RALYL: variants seen among roughly 807,000 people sequenced by gnomAD.
RALYL encodes the protein RNA-binding Raly-like protein.
A neutral mutation model predicts 35.1 loss-of-function variants in RALYL; 29 were observed. That is an observed-to-expected ratio of 0.83 (90% CI 0.61 to 1.13). The LOEUF (loss-of-function observed/expected upper bound fraction) is 1.13. RALYL is among the 50% of genes most tolerant of loss of function. RALYL has a pLI of 0.00. For synonymous variants in RALYL, 120 were observed against 127.6 expected, an observed-to-expected ratio of 0.94 and a Z score of 0.40; for missense variants, 359 against 360.4, an observed-to-expected ratio of 1.00 and a Z score of 0.03.
chr8:84,242,877 A>G (rs112715899), intron 1 of RALYL, among the ~76,000 whole-genome samples: 6,088 of 152,128 alleles, frequency 0.04, 179 homozygotes, highest in African/African-American at 0.078. Flanking sequence ...TGCTCTTGTT[A>G]CAATTGCTTT....
chr8:84,744,989 CATT>C (rs1445554413), intron 2 of RALYL, among the ~76,000 whole-genome samples: 1 of 151,764 alleles, frequency 6.6e-6, no homozygotes, highest in African/African-American at 2.4e-5. Flanking sequence ...TCTGGAAAAA[CATT>C]AGTTGAGCAC....
At chr8:84,291,087 G>C (rs1422744988) in intron 1 of RALYL, among the ~76,000 whole-genome samples, 5 of 152,070 alleles carry the variant, frequency 3.3e-5, no homozygotes, top group African/African-American at 9.7e-5. Context: ...CAAGCTCATT[G>C]TAAGGGAACA....
chr8:84,914,252 G>A (rs528534261), intron 8 of RALYL, among the ~76,000 whole-genome samples: 8 of 151,978 alleles, frequency 5.3e-5, no homozygotes, highest in South Asian at 2.1e-4. Flanking sequence ...TTGGCTTTTC[G>A]CACTAGCATT....
chr8:84,392,359 G>A (rs1008692357), intron 1 of RALYL, among the ~76,000 whole-genome samples: 7 of 151,738 alleles, frequency 4.6e-5, no homozygotes, highest in African/African-American at 1.7e-4. Flanking sequence ...GAAATATTTA[G>A]TTCTTTTCTT....
chr8:84,274,993 C>T (rs910936470), intron 1 of RALYL, among the ~76,000 whole-genome samples: 1 of 152,170 alleles, frequency 6.6e-6, no homozygotes, highest in Admixed American at 6.5e-5. Context: ...AGTCAAGATA[C>T]TGTGACTGAC....
chr8:84,706,829 T>A (rs527801659), intron 2 of RALYL, among the ~76,000 whole-genome samples: 1 of 152,330 alleles, frequency 6.6e-6, no homozygotes, highest in African/African-American at 2.4e-5. Context: ...CACCTCTCTC[T>A]AGTAAGTTTA....
chr8:84,430,299 C>T (rs771802275), intron 1 of RALYL, among the ~76,000 whole-genome samples: 57 of 152,130 alleles, frequency 3.7e-4, no homozygotes, highest in Admixed American at 2.0e-4. Flanking sequence ...TTTCCTCTAC[C>T]GTGCAGTAAT....
intron 1 of RALYL, among the ~76,000 whole-genome samples, chr8:84,419,720 C>G (rs1425828344): frequency 1.5e-5 from 2 of 132,810 alleles, no homozygotes; most frequent in Admixed American, 8.5e-5. Context: ...CAACAGTCCC[C>G]AGAGTGTGAT....
chr8:84,481,413 T>G (rs1367315964), intron 1 of RALYL, among the ~76,000 whole-genome samples: 1 of 152,192 alleles, frequency 6.6e-6, no homozygotes, highest in Non-Finnish European at 1.5e-5. Context: ...CACTGCAGCC[T>G]CAAATTCTTG....
At chr8:84,469,417 G>C (rs532130243) in intron 1 of RALYL, among the ~76,000 whole-genome samples, 1,966 of 152,248 alleles carry the variant, frequency 0.013, 20 homozygotes, top group Non-Finnish European at 0.019. Flanking sequence ...AGGTGTCAGT[G>C]TGCCCCTGCT....
In RALYL at chr8:84,756,531, T is replaced by G. The variant is rs1811448790; in HGVS notation, c.257-18048T>G. On this transcript the variant is annotated intron_variant, in intron 2 of 8. Transcript: ENST00000521268. The stretch of plus-strand genomic sequence containing the variant: ...AATAAATATTGATGACTTAGTGCCA[T>G]TTTAGGTAGATATTTTAAGAACCCA... 4.6e-5 allele frequency among the ~76,000 whole-genome samples: 7 copies of G among 152,244 alleles called. No individual in the cohort carries two copies. In the South Asian group the frequency reaches 1.5e-3, roughly 32 times the overall value.
intron 4 of RALYL, among the ~76,000 whole-genome samples, chr8:84,825,521 G>A (rs186064579): frequency 2.6e-5 from 4 of 152,120 alleles, no homozygotes; most frequent in South Asian, 4.2e-4. Context: ...TAAACAAAAT[G>A]TTCTACCAAA....
chr8:84,395,905 T>TA (rs1185307990), intron 1 of RALYL, among the ~76,000 whole-genome samples: 1 of 151,992 alleles, frequency 6.6e-6, no homozygotes, highest in African/African-American at 2.4e-5. Flanking sequence ...AGTCACTCGT[T>TA]AAAATGGTCT....
At chr8:84,335,708 C>CTT (rs1193454200) in intron 1 of RALYL, among the ~76,000 whole-genome samples, 70 of 56,558 alleles carry the variant, frequency 1.2e-3, no homozygotes, top group African/African-American at 9.3e-3. Flanking sequence ...TGTTTTCTTA[C>CTT]CTTTTTTTTT....
At chr8:84,533,752 G>A (rs1423239028) in intron 2 of RALYL, among the ~76,000 whole-genome samples, 1 of 152,152 alleles carries the variant, frequency 6.6e-6, no homozygotes, top group Non-Finnish European at 1.5e-5. Flanking sequence ...AGAATTCAAA[G>A]TGGGAACATG....
Position 84,414,087 on chromosome 8 carries a change from A to C in RALYL, c.-23-115212A>C, listed in dbSNP as rs111446365. Among the ~76,000 whole-genome samples the C allele has an allele frequency of 8.4e-3, 1,272 of 152,246 alleles. 25 individuals carry two copies. The highest frequency in any genetic ancestry group is 0.029 in the African/African-American group (1,193 of 41,548). On this transcript the variant is annotated intron_variant, in intron 1 of 8. Transcript: ENST00000521268. ...GCTAAACTTCTATTGTGTTCAGCAG[A>C]AAAATGGTCTGAAAAAATTCCTTCC...
chr8:84,881,726 C>T (rs967248752), intron 7 of RALYL, among the ~76,000 whole-genome samples: 1 of 151,814 alleles, frequency 6.6e-6, no homozygotes, highest in Admixed American at 6.6e-5. Flanking sequence ...GAAATACTTA[C>T]CTGTAATTTG....
chr8:84,778,460 G>A (rs2133663390), intron 3 of RALYL, among the ~76,000 whole-genome samples: 1 of 152,318 alleles, frequency 6.6e-6, no homozygotes, highest in Non-Finnish European at 1.5e-5. Context: ...GCATAAGTTA[G>A]ATGCACAGAT....
At chr8:84,350,756 G>A (rs1157009981) in intron 1 of RALYL, among the ~76,000 whole-genome samples, 1 of 150,082 alleles carries the variant, frequency 6.7e-6, no homozygotes, top group Non-Finnish European at 1.5e-5. Context: ...GAGTAATTAG[G>A]GGCAAGTAGT....
Sources: gnomAD v4.1 joint callset for allele counts (sites outside exome capture counted in the v4.1 genomes callset) on GRCh38, gnomAD v4.1.1 for gene constraint, MANE v1.5 for transcripts, NCBI Gene and HGNC (gene_info 2026-07-23, HGNC 2026-07-21) for gene names.